NFIC: variants seen among roughly 807,000 people sequenced by gnomAD.
NFIC encodes the protein nuclear factor 1 C-type.
In NFIC, 12 loss-of-function variants were observed where a neutral mutation model predicts 54.4. That is an observed-to-expected ratio of 0.22 (90% CI 0.14 to 0.36). The LOEUF (loss-of-function observed/expected upper bound fraction) is 0.36, where lower values mean the gene tolerates loss of function less well. Among genes scored for constraint, NFIC ranks in the 10% least tolerant of loss-of-function variants. The probability of loss-of-function intolerance (pLI) is 1.00; values close to 1 mark genes in which losing one functional copy is unlikely to be tolerated. For missense variants in NFIC, 575 were observed against 718.2 expected (o/e 0.80, Z 2.28); for synonymous variants, 322 against 319.2 (o/e 1.01, Z -0.09).
rs1278579900 is a variant in NFIC, at chr19:3,360,992, T to C, written c.3+1307T>C. ...TCCCGGCCTCGCCTCCCCCAGTTCC[T>C]TTTTTCCTGTAACTGGGGACTGCCT... On this transcript the variant is annotated intron_variant, in intron 1 of 9. Transcript: ENST00000395111. Among the ~76,000 whole-genome samples, 8 of 152,282 alleles carry C rather than the reference T, an allele frequency of 5.3e-5. No homozygotes were observed. The East Asian group carries it at 1.5e-3, about 29-fold the overall frequency.
chr19:3,360,248 CT>C (rs2145407802), intron 1 of NFIC, among the ~76,000 whole-genome samples: 1 of 145,974 alleles, frequency 6.9e-6, no homozygotes, highest in South Asian at 2.1e-4. Context: ...GCGCCTTGAA[CT>C]TGGAGCCGGG....
chr19:3,450,083 C>T (rs1387799542), intron 7 of NFIC, among the ~76,000 whole-genome samples: 1 of 151,976 alleles, frequency 6.6e-6, no homozygotes, highest in Non-Finnish European at 1.5e-5. Context: ...AAGTGGCTCA[C>T]GCCTGTAATC....
upstream of NFIC, chr19:3,366,537 G>T: frequency 1.1e-5 from 6 of 571,342 alleles, no homozygotes; most frequent in South Asian, 1.3e-4. Context: ...CGCGGGGCGG[G>T]GGGGGGGGTT....
In NFIC at chr19:3,372,721, G is replaced by A. The variant is rs530453709; in HGVS notation, c.30+6055G>A. On this transcript the variant is annotated intron_variant, in intron 1 of 10. Transcript: ENST00000443272. ...GGGCCCAGGAGTGGGGTGGGGGGGT[G>A]CCAGGAGGCCCAGGGACCAGTCCCA... is the stretch of plus-strand genomic sequence containing the variant. Among the ~76,000 whole-genome samples the A allele has an allele frequency of 4.2e-4, 62 of 149,364 alleles. 4 individuals are homozygous for A. Among genetic ancestry groups the A allele is most frequent in the African/African-American group, 1.5e-3 (61 of 40,006 alleles).
intron 2 of NFIC, among the ~76,000 whole-genome samples, chr19:3,414,412 T>C (rs1021920755): frequency 3.3e-5 from 5 of 151,860 alleles, no homozygotes; most frequent in Non-Finnish European, 7.4e-5. Flanking sequence ...CTGACCAACA[T>C]GGCAAAACCC....
intron 2 of NFIC, among the ~76,000 whole-genome samples, chr19:3,398,754 A>G (rs949991958): frequency 1.3e-5 from 2 of 152,110 alleles, no homozygotes; most frequent in Admixed American, 6.5e-5. Context: ...TCGCTGCCTT[A>G]TGTAACCAGT....
chr19:3,420,488 T>C (rs1343397113), intron 2 of NFIC, among the ~76,000 whole-genome samples: 3 of 151,652 alleles, frequency 2.0e-5, no homozygotes, highest in Admixed American at 1.3e-4. Flanking sequence ...GAGATTGCAA[T>C]GAGCTGGATC....
At chr19:3,436,322 T>A (rs1272482225) in intron 6 of NFIC, among the ~76,000 whole-genome samples, 68 of 142,116 alleles carry the variant, frequency 4.8e-4, no homozygotes, top group African/African-American at 1.7e-3. Flanking sequence ...TTTTTTTTTT[T>A]TTTTTTTTTT....
intron 2 of NFIC, among the ~76,000 whole-genome samples, chr19:3,406,741 T>A (rs1292042739): frequency 6.6e-6 from 1 of 151,794 alleles, no homozygotes; most frequent in Non-Finnish European, 1.5e-5. Context: ...GTGGTCACAT[T>A]TTTCAGGAGG....
chr19:3,439,904 G>A (rs1869060117), intron 6 of NFIC, among the ~76,000 whole-genome samples: 1 of 151,786 alleles, frequency 6.6e-6, no homozygotes, highest in African/African-American at 2.4e-5. Flanking sequence ...TAGCCAGGAT[G>A]GTCTCGATCT....
At chr19:3,363,582 T>C (rs1342705363), upstream of NFIC, among the ~76,000 whole-genome samples, 1 of 151,834 alleles carries the variant, frequency 6.6e-6, no homozygotes, top group African/African-American at 2.4e-5. Context: ...AAAGGAGATA[T>C]GTGTGTGTGT....
In NFIC at chr19:3,467,211, G is replaced by GC. The variant is rs2082727836; in HGVS notation, c.*4442_*4443insC. On this transcript the variant is annotated 3_prime_UTR_variant, in exon 11 of 11. Coordinates refer to ENST00000443272, the MANE Select transcript of NFIC (RefSeq NM_001245002.2). ...TGCTATGGACACCACACCTATGCCA[G>GC]GCCCCCCCCCCCACCCCAGTCTCAT... 1.1e-5 allele frequency: 1 copy of GC among 88,860 alleles called. No individual in the cohort carries two copies. The highest frequency in any genetic ancestry group is 3.4e-4 in the East Asian group (1 of 2,956). The allele number at this position is 88,860 out of a possible 1,614,324, so 5.5% of individuals were successfully genotyped here. A position where few individuals can be genotyped will look rare whatever the true frequency, so the allele number is the denominator to read the frequency against.
chr19:3,431,357 CTT>C (rs1568445358), intron 3 of NFIC, among the ~76,000 whole-genome samples: 1 of 126,742 alleles, frequency 7.9e-6, no homozygotes, highest in Admixed American at 8.6e-5. Flanking sequence ...TCTTTTCCTT[CTT>C]CTTTTTTTTT....
intron 6 of NFIC, among the ~76,000 whole-genome samples, chr19:3,447,845 G>A (rs935254598): frequency 6.6e-6 from 1 of 152,218 alleles, no homozygotes; most frequent in African/African-American, 2.4e-5. Flanking sequence ...GAGGGAAGCC[G>A]ATGTTTGGTG....
intron 6 of NFIC, among the ~76,000 whole-genome samples, chr19:3,446,554 A>T (rs906622101): frequency 6.6e-6 from 1 of 152,216 alleles, no homozygotes; most frequent in South Asian, 2.1e-4. Flanking sequence ...AAGGGAAGCT[A>T]AACTCATCAC....
At chr19:3,412,874 C>T (rs540109233) in intron 2 of NFIC, among the ~76,000 whole-genome samples, 20 of 152,242 alleles carry the variant, frequency 1.3e-4, no homozygotes, top group Admixed American at 3.9e-4. Context: ...CGGGAGGGGC[C>T]GGGGTTCTGC....
intron 4 of NFIC, 109 bp downstream of exon 4, chr19:3,433,701 CT>C (rs1365175411): frequency 3.4e-6 from 4 of 1,176,584 alleles, no homozygotes; most frequent in African/African-American, 3.1e-5. Flanking sequence ...AGACAACCCC[CT>C]GTGTCACTAA....
At position 3,381,798 on chromosome 19, in the gene NFIC, C is replaced by T; in HGVS notation, c.117C>T (p.Arg39=). Residue 39 remains arginine, a synonymous_variant, in exon 2 of 11, where the codon CGC becomes CGT. Coordinates refer to ENST00000443272, the MANE Select transcript of NFIC (RefSeq NM_001245002.2). ...YTWFNLQARK[R]KYFKKHEKRM... is the part of the protein sequence containing the mutation. Reference sequence around the variant, plus strand: ...GGTTCAACCTGCAGGCGCGGAAGCGCAAGTACTTCAAGAAGCACGAGAAGC... The same window carrying T: ...GGTTCAACCTGCAGGCGCGGAAGCGTAAGTACTTCAAGAAGCACGAGAAGC... 1 of 1,614,008 alleles carries T rather than the reference C, an allele frequency of 6.2e-7. No individual in the cohort carries two copies. The highest frequency in any genetic ancestry group is 8.5e-7 in the Non-Finnish European group (1 of 1,179,978).
chr19:3,455,917 G>A (rs867397777), intron 9 of NFIC, among the ~76,000 whole-genome samples: 43 of 152,064 alleles, frequency 2.8e-4, no homozygotes, highest in African/African-American at 9.4e-4. Flanking sequence ...AAGCCTCGCT[G>A]CCTCCAGCTC....
Sources: gnomAD v4.1 joint callset for allele counts (sites outside exome capture counted in the v4.1 genomes callset) on GRCh38, gnomAD v4.1.1 for gene constraint, MANE v1.5 for transcripts, NCBI Gene and HGNC (gene_info 2026-07-23, HGNC 2026-07-21) for gene names.